Variants in PPP1R12A observed in about 807,000 individuals in gnomAD.
PPP1R12A encodes the protein protein phosphatase 1 regulatory subunit 12A, also known as myosin binding subunit.
Under a neutral mutation model 139.6 loss-of-function variants are expected in PPP1R12A, and 19 were observed. That is an observed-to-expected ratio of 0.14 (90% CI 0.09 to 0.20). PPP1R12A has a LOEUF of 0.20. Ranked by LOEUF, PPP1R12A falls within the 10% of genes least tolerant of loss-of-function variation. The probability of loss-of-function intolerance (pLI) is 1.00; values close to 1 mark genes in which losing one functional copy is unlikely to be tolerated. For missense variants in PPP1R12A, 925 were observed against 1,211.5 expected, an observed-to-expected ratio of 0.76 and a Z score of 3.51; for synonymous variants, 427 against 420.6, an observed-to-expected ratio of 1.02 and a Z score of -0.19.
At chr12:79,798,244 C>T (rs1417544806) in intron 15 of PPP1R12A, among the ~76,000 whole-genome samples, 1 of 152,014 alleles carries the variant, frequency 6.6e-6, no homozygotes, top group African/African-American at 2.4e-5. Context: ...AGATGAAATA[C>T]AATAGTAGCA....
intron 2 of PPP1R12A, among the ~76,000 whole-genome samples, chr12:79,857,441 G>A (rs1023743595): frequency 6.6e-6 from 1 of 151,594 alleles, no homozygotes; most frequent in African/African-American, 2.4e-5. Context: ...GTGGGGTGGG[G>A]GGAAGGGGGA....
At chr12:79,903,698 C>T (rs1038141639) in intron 1 of PPP1R12A, among the ~76,000 whole-genome samples, 4 of 152,062 alleles carry the variant, frequency 2.6e-5, no homozygotes, top group Non-Finnish European at 4.4e-5. Context: ...GTCCATGTCT[C>T]GCTTTCTAGT....
chr12:79,797,082 A>T, intron 16 of PPP1R12A, 113 bp downstream of exon 16: 1 of 1,352,776 alleles, frequency 7.4e-7, no homozygotes, highest in Non-Finnish European at 1.0e-6. Context: ...TCCAGCTAAA[A>T]TCCTTTACAG....
chr12:79,930,538 C>T (rs539222767), intron 1 of PPP1R12A, among the ~76,000 whole-genome samples: 28 of 152,042 alleles, frequency 1.8e-4, no homozygotes, highest in African/African-American at 5.5e-4. Context: ...TTTGGGAGGC[C>T]GAGGCAGGTG....
At chr12:79,886,275 A>C (rs547845463) in intron 1 of PPP1R12A, among the ~76,000 whole-genome samples, 1 of 152,326 alleles carries the variant, frequency 6.6e-6, no homozygotes, top group Non-Finnish European at 1.5e-5. Flanking sequence ...AATAATAAAA[A>C]AGAAAAACCT....
At chr12:79,888,360 C>T (rs906975527) in intron 1 of PPP1R12A, among the ~76,000 whole-genome samples, 2 of 152,008 alleles carry the variant, frequency 1.3e-5, no homozygotes, top group African/African-American at 4.8e-5. Flanking sequence ...AGATTGTGAA[C>T]CACTGATACC....
intron 2 of PPP1R12A, among the ~76,000 whole-genome samples, chr12:79,864,982 T>C (rs1359847813): frequency 2.0e-5 from 3 of 152,192 alleles, no homozygotes; most frequent in African/African-American, 7.2e-5. Flanking sequence ...GCCAGAATCA[T>C]CTTGATACCA....
At chr12:79,840,850 T>C (rs1195136948) in intron 3 of PPP1R12A, among the ~76,000 whole-genome samples, 1 of 152,080 alleles carries the variant, frequency 6.6e-6, no homozygotes, top group Non-Finnish European at 1.5e-5. Flanking sequence ...CCAATCAAAT[T>C]AATTTATTGC....
Position 79,845,370 on chromosome 12 carries a change from T to C in PPP1R12A, c.419A>G (p.Asp140Gly). Residue 140 changes from aspartate to glycine, a missense_variant, in exon 3 of 25, where the codon GAT becomes GGT. Asp to Gly is a moderately conservative substitution (Grantham distance 94). Transcript: ENST00000450142. The part of the protein sequence containing the change: ...AHVGAVNSEG[D>G]TPLDIAEEEA... Reference sequence around the variant, plus strand: ...CTCCTCCGCAATATCTAAAGGTGTATCTCCTTCACTGTTGACAGCCCCTAC... The same window carrying C: ...CTCCTCCGCAATATCTAAAGGTGTACCTCCTTCACTGTTGACAGCCCCTAC... 1.2e-6 allele frequency: 2 copies of C among 1,613,728 alleles called. No individual in the cohort carries two copies. Among genetic ancestry groups the C allele is most frequent in the Non-Finnish European group, 1.7e-6 (2 of 1,179,790 alleles).
At chr12:79,832,136 ATAAT>A (rs1877506235) in intron 4 of PPP1R12A, among the ~76,000 whole-genome samples, 192 bp downstream of exon 4, 1 of 152,214 alleles carries the variant, frequency 6.6e-6, no homozygotes, top group African/African-American at 2.4e-5. Context: ...AAAAATAGTA[ATAAT>A]TAGAGAGTTG....
At chr12:79,878,331 A>G (rs1883314835) in intron 1 of PPP1R12A, 1 of 152,152 alleles carries the variant, frequency 6.6e-6, no homozygotes, top group African/African-American at 2.4e-5. Flanking sequence ...TATTCCTAGT[A>G]GTCTCCCATT....
chr12:79,906,964 A>C (rs190828278), intron 1 of PPP1R12A, among the ~76,000 whole-genome samples: 214 of 152,272 alleles, frequency 1.4e-3, no homozygotes, highest in Middle Eastern at 3.4e-3. Flanking sequence ...CCGGCCTACA[A>C]ATTGCCTATT....
Position 79,821,066 on chromosome 12 carries a change from T to C in PPP1R12A, c.956+12A>G. On this transcript the variant is annotated intron_variant, in intron 7 of 24. Transcript: ENST00000450142. ...AACAAAAATAACAAATGTACTTGAA[T>C]ATTTTACTCACTTTTTAAAGGTCTT... 6.2e-7 allele frequency: 1 copy of C among 1,603,132 alleles called. No homozygotes were observed. The highest frequency in any genetic ancestry group is 8.5e-7 in the Non-Finnish European group (1 of 1,170,886).
At chr12:79,839,110 AC>A (rs1175920911) in intron 3 of PPP1R12A, among the ~76,000 whole-genome samples, 2 of 152,120 alleles carry the variant, frequency 1.3e-5, no homozygotes, top group Non-Finnish European at 2.9e-5. Context: ...CATCAGCATG[AC>A]CTGGATGTGA....
chr12:79,779,299 T>C (rs750743617), intron 23 of PPP1R12A: 4 of 1,288,418 alleles, frequency 3.1e-6, no homozygotes, highest in South Asian at 2.5e-5. Flanking sequence ...ATTGATGAGC[T>C]GTAAAACTGG....
chr12:79,798,741 C>A (rs1485533988), intron 14 of PPP1R12A, among the ~76,000 whole-genome samples, 157 bp from the exon 15 acceptor site: 1 of 152,026 alleles, frequency 6.6e-6, no homozygotes, highest in Non-Finnish European at 1.5e-5. Flanking sequence ...ATAATGCAAT[C>A]TTATAATTTC....
At position 79,934,806 on chromosome 12, in the gene PPP1R12A, G is replaced by A. The variant is rs367948948; in HGVS notation, c.126C>T (p.Ala42=). The A allele has an allele frequency of 1.5e-5, 24 of 1,591,340 alleles. No homozygotes were observed. The highest frequency in any genetic ancestry group is 2.1e-5 in the Non-Finnish European group (24 of 1,169,118). The change falls in exon 1 of 25, where the codon GCC becomes GCT. Residue 42 remains alanine (A), a synonymous_variant. Coordinates refer to ENST00000450142, the MANE Select transcript of PPP1R12A (RefSeq NM_002480.3). The stretch of plus-strand genomic sequence containing the variant: ...CGCTGGAGCAAGCAGCCAGGAAGAC[G>A]GCGCCATCGTCGAACTTCACCTTGG... ...QKTKVKFDDG[A]VFLAACSSGD...
At chr12:79,857,066 G>A (rs1049920808) in intron 2 of PPP1R12A, among the ~76,000 whole-genome samples, 6 of 152,184 alleles carry the variant, frequency 3.9e-5, no homozygotes. Flanking sequence ...TCCTTTTCCA[G>A]CCATCCCATT....
intron 8 of PPP1R12A, 32 bp from the exon 9 acceptor site, chr12:79,817,550 T>G (rs1033173103): frequency 6.5e-7 from 1 of 1,544,262 alleles, no homozygotes; most frequent in African/African-American, 1.4e-5. Flanking sequence ...GAGTCAAGAT[T>G]CCATATATAT....
Sources: allele counts gnomAD v4.1 joint callset (sites outside exome capture counted in the v4.1 genomes callset), GRCh38; gene constraint gnomAD v4.1.1; transcripts MANE v1.5; gene names NCBI Gene and HGNC (gene_info 2026-07-23, HGNC 2026-07-21).